Variants in INPP5F observed in about 807,000 individuals in gnomAD.
The protein encoded by INPP5F is phosphatidylinositide 4-phosphatase SAC2.
A neutral mutation model predicts 137.2 loss-of-function variants in INPP5F; 97 were observed. The observed-to-expected ratio is 0.71, with a 90% confidence interval of 0.60 to 0.84. The LOEUF (loss-of-function observed/expected upper bound fraction) is 0.84, where lower values mean the gene tolerates loss of function less well. Among genes scored for constraint, INPP5F ranks in the 40% least tolerant of loss-of-function variants. The pLI, the probability that INPP5F is intolerant of heterozygous loss-of-function variation, is 0.00. For synonymous variants in INPP5F, 504 were observed against 476.9 expected (o/e 1.06, Z -0.74); for missense variants, 1,271 against 1,371.9 (o/e 0.93, Z 1.16).
intron 8 of INPP5F, 97 bp from the exon 9 acceptor site, chr10:119,798,446 T>C (rs1850464016): frequency 1.3e-6 from 1 of 793,028 alleles, no homozygotes; most frequent in East Asian, 2.5e-5. Context: ...ATTTGGGCTG[T>C]CAATAAATTA....
intron 2 of INPP5F, among the ~76,000 whole-genome samples, chr10:119,759,894 C>T (rs561823766): frequency 6.6e-6 from 1 of 152,220 alleles, no homozygotes; most frequent in South Asian, 2.1e-4. Flanking sequence ...TCTCTCTTTG[C>T]TCCCCTCAGC....
At chr10:119,770,588 C>T (rs1741758822) in intron 2 of INPP5F, among the ~76,000 whole-genome samples, 1 of 152,186 alleles carries the variant, frequency 6.6e-6, no homozygotes, top group Non-Finnish European at 1.5e-5. Flanking sequence ...TATTTTGTTT[C>T]ACCTAAGGCA....
chr10:119,784,729 C>T (rs974136797), intron 3 of INPP5F, among the ~76,000 whole-genome samples: 5 of 152,184 alleles, frequency 3.3e-5, no homozygotes, highest in East Asian at 1.9e-4. Context: ...ACAGTTCACC[C>T]GTTTAAAGTA....
chr10:119,810,076 T>A (rs1850967785), intron 13 of INPP5F, 24 bp from the exon 14 acceptor site: 1 of 1,388,510 alleles, frequency 7.2e-7, no homozygotes, highest in Non-Finnish European at 1.0e-6. Flanking sequence ...AAATAAGATG[T>A]CAAAATCAGT....
At chr10:119,798,661 TTTTTC>T (rs1352450865) in intron 9 of INPP5F, 51 bp downstream of exon 9, 23 of 1,304,358 alleles carry the variant, frequency 1.8e-5, no homozygotes, top group Non-Finnish European at 2.5e-5. Context: ...TAGAAATAAC[TTTTTC>T]TTTAAGTTTC....
chr10:119,791,373 C>A, intron 3 of INPP5F, 144 bp from the exon 4 acceptor site: 1 of 673,846 alleles, frequency 1.5e-6, no homozygotes, highest in South Asian at 1.8e-5. Flanking sequence ...GTTGTGCTTG[C>A]CATCAATTGT....
chr10:119,767,749 G>T (rs1008416205), intron 2 of INPP5F, among the ~76,000 whole-genome samples: 2 of 152,286 alleles, frequency 1.3e-5, no homozygotes, highest in South Asian at 4.1e-4. Context: ...ACGAAAACTG[G>T]TGTCACTGTG....
chr10:119,744,672 C>T (rs1482793317), intron 1 of INPP5F, among the ~76,000 whole-genome samples: 1 of 152,182 alleles, frequency 6.6e-6, no homozygotes, highest in Non-Finnish European at 1.5e-5. Flanking sequence ...CTGCCTCAGC[C>T]TCCTGAGTAG....
chr10:119,804,054 C>G, intron 9 of INPP5F, 119 bp from the exon 10 acceptor site: 1 of 669,522 alleles, frequency 1.5e-6, no homozygotes, highest in Non-Finnish European at 2.4e-6. Context: ...TAAAATATTT[C>G]TAACACATAA....
chr10:119,750,216 T>C (rs576797030), intron 1 of INPP5F, among the ~76,000 whole-genome samples: 3 of 152,360 alleles, frequency 2.0e-5, no homozygotes, highest in East Asian at 3.9e-4. Flanking sequence ...TAAGTTTCAC[T>C]AAAATAAATT....
intron 16 of INPP5F, 96 bp downstream of exon 16, chr10:119,821,013 G>A (rs1429707502): frequency 3.9e-6 from 3 of 773,112 alleles, no homozygotes; most frequent in Non-Finnish European, 6.8e-6. Flanking sequence ...TGAGAATATG[G>A]TTTTGTTATG....
chr10:119,811,689 TCTC>T, intron 14 of INPP5F, 65 bp from the exon 15 acceptor site: 1 of 1,272,392 alleles, frequency 7.9e-7, no homozygotes, highest in Non-Finnish European at 1.1e-6. Context: ...GGTCTTACAT[TCTC>T]TTTTGTTTTT....
rs184669550 is a variant in INPP5F at position 119,790,412 on chromosome 10, G to A, written c.316-1105G>A. Among the ~76,000 whole-genome samples, 13 of 152,294 alleles carry A rather than the reference G, an allele frequency of 8.5e-5. 2 individuals carry two copies. Among genetic ancestry groups the A allele is most frequent in the African/African-American group, 3.1e-4 (13 of 41,560 alleles). ...GGTAGGGCAGGAGCAGCTTAAAGCT[G>A]TAATCATGGTGTGAAACCTGTGTGG... On this transcript the variant is annotated intron_variant, in intron 3 of 19. Coordinates refer to ENST00000650623, the MANE Select transcript of INPP5F (RefSeq NM_014937.4).
At chr10:119,780,791 A>G (rs1460139732) in intron 2 of INPP5F, among the ~76,000 whole-genome samples, 2 of 152,142 alleles carry the variant, frequency 1.3e-5, no homozygotes, top group Non-Finnish European at 2.9e-5. Flanking sequence ...TGTTTACCAT[A>G]GCATTTAGAT....
chr10:119,741,544 T>G (rs1848376153), intron 1 of INPP5F, among the ~76,000 whole-genome samples: 1 of 152,160 alleles, frequency 6.6e-6, no homozygotes, highest in Non-Finnish European at 1.5e-5. Flanking sequence ...TAATTTTTAT[T>G]TTTTCTTGAG....
intron 10 of INPP5F, among the ~76,000 whole-genome samples, chr10:119,804,566 C>CTCT (rs1437818049): frequency 6.6e-6 from 1 of 152,044 alleles, no homozygotes; most frequent in East Asian, 1.9e-4. Flanking sequence ...ATCACACCAG[C>CTCT]TAAAGAACTG....
intron 13 of INPP5F, among the ~76,000 whole-genome samples, chr10:119,809,109 GCTA>G (rs1222940902): frequency 1.3e-5 from 2 of 151,758 alleles, no homozygotes; most frequent in African/African-American, 4.8e-5. Context: ...TGTAATCCCA[GCTA>G]CTCACTCAGA....
rs1479764125 is a variant in INPP5F, at chr10:119,826,721, A to G, written c.2340A>G (p.Lys780=). 1 of 1,613,224 alleles carries G rather than the reference A, an allele frequency of 6.2e-7. No individual in the cohort carries two copies. The highest frequency in any genetic ancestry group is 8.5e-7 in the Non-Finnish European group (1 of 1,179,782). ...AGGGAAAGAATTTTTTAATGAGCAA[A>G]TTTTCATCTCTAAATCAAAAAGTGA... is the stretch of plus-strand genomic sequence containing the variant. The part of the protein sequence containing the change: ...LAQGKNFLMS[K]FSSLNQKVKQ... The change falls in exon 20 of 20, where the codon AAA becomes AAG. Residue 780 remains lysine (K), a synonymous_variant. Transcript: ENST00000650623.
intron 2 of INPP5F, among the ~76,000 whole-genome samples, chr10:119,779,545 G>C (rs1054574082): frequency 6.6e-6 from 1 of 151,748 alleles, no homozygotes; most frequent in African/African-American, 2.4e-5. Flanking sequence ...TCAGCCTCCC[G>C]AGTAGCTGGG....
Sources: allele counts gnomAD v4.1 joint callset (sites outside exome capture counted in the v4.1 genomes callset), GRCh38; gene constraint gnomAD v4.1.1; transcripts MANE v1.5; gene names NCBI Gene and HGNC (gene_info 2026-07-23, HGNC 2026-07-21).